The following LIMCH1 variants were observed in gnomAD, a reference collection of about 807,000 sequenced individuals.
The protein encoded by LIMCH1 is LIM and calponin homology domains 1.
Under a neutral mutation model 176.5 loss-of-function variants are expected in LIMCH1, and 113 were observed. That is an observed-to-expected ratio of 0.64 (90% confidence interval 0.55 to 0.75). The LOEUF is 0.75. LIMCH1 is among the 30% of genes least tolerant of loss of function. The pLI is 0.00. For missense variants in LIMCH1, 1,674 were observed against 1,814.9 expected, an observed-to-expected ratio of 0.92 and a Z score of 1.41; for synonymous variants, 619 against 645.9, an observed-to-expected ratio of 0.96 and a Z score of 0.63.
chr4:41,419,214 G>A (rs950047909), intron 1 of LIMCH1, among the ~76,000 whole-genome samples: 1 of 151,382 alleles, frequency 6.6e-6, no homozygotes, highest in Non-Finnish European at 1.5e-5. Context: ...GTCTAGCTCT[G>A]TTGCCCAGGC....
chr4:41,570,579 A>G (rs1015950597), intron 1 of LIMCH1, among the ~76,000 whole-genome samples: 4 of 152,206 alleles, frequency 2.6e-5, no homozygotes, highest in Admixed American at 6.5e-5. Flanking sequence ...GGACCTGTGC[A>G]CTTGAGGAAA....
At chr4:41,455,128 A>G (rs1025517296) in intron 1 of LIMCH1, among the ~76,000 whole-genome samples, 1 of 152,216 alleles carries the variant, frequency 6.6e-6, no homozygotes, top group African/African-American at 2.4e-5. Context: ...ATTCTCTAGA[A>G]TGCAACTTTT....
At chr4:41,454,449 G>GA (rs1277339748) in intron 1 of LIMCH1, among the ~76,000 whole-genome samples, 12 of 150,874 alleles carry the variant, frequency 8.0e-5, no homozygotes, top group African/African-American at 2.9e-4. Context: ...GATGATGAGG[G>GA]GGAGAGAGAG....
intron 2 of LIMCH1, among the ~76,000 whole-genome samples, chr4:41,497,238 C>G (rs1032738817): frequency 1.3e-5 from 2 of 151,884 alleles, no homozygotes; most frequent in East Asian, 1.9e-4. Flanking sequence ...TGAATCCACT[C>G]TAAATGTTAG....
intron 1 of LIMCH1, among the ~76,000 whole-genome samples, chr4:41,395,033 G>A (rs886411337): frequency 6.6e-6 from 1 of 152,126 alleles, no homozygotes; most frequent in East Asian, 1.9e-4. Context: ...TAGTATTGGG[G>A]TGCCCAGTTT....
At chr4:41,456,927 T>G (rs1004406155) in intron 1 of LIMCH1, among the ~76,000 whole-genome samples, 1 of 152,064 alleles carries the variant, frequency 6.6e-6, no homozygotes, top group Non-Finnish European at 1.5e-5. Context: ...CCTCACAGTA[T>G]GGGGGCTGAG....
chr4:41,419,483 A>G (rs990623324), intron 1 of LIMCH1, among the ~76,000 whole-genome samples: 1 of 152,042 alleles, frequency 6.6e-6, no homozygotes, highest in African/African-American at 2.4e-5. Context: ...CAAGTCATTA[A>G]GTTTTTTTTA....
chr4:41,589,073 A>G (rs775881103), intron 1 of LIMCH1, among the ~76,000 whole-genome samples: 1 of 152,054 alleles, frequency 6.6e-6, no homozygotes, highest in Non-Finnish European at 1.5e-5. Context: ...AGCTACATGC[A>G]GTGGCCTAGA....
chr4:41,546,571 C>A (rs192555717), intron 1 of LIMCH1, among the ~76,000 whole-genome samples: 9 of 151,804 alleles, frequency 5.9e-5, no homozygotes, highest in Admixed American at 3.3e-4. Flanking sequence ...TTTTTTAGCC[C>A]CATCATTCAG....
At chr4:41,400,329 T>C (rs2058292293) in intron 1 of LIMCH1, among the ~76,000 whole-genome samples, 1 of 152,182 alleles carries the variant, frequency 6.6e-6, no homozygotes, top group African/African-American at 2.4e-5. Flanking sequence ...TTTTTTACCT[T>C]TGTATTCAAC....
At chr4:41,477,198 C>G (rs2067878271) in intron 1 of LIMCH1, among the ~76,000 whole-genome samples, 1 of 152,194 alleles carries the variant, frequency 6.6e-6, no homozygotes, top group Non-Finnish European at 1.5e-5. Context: ...GTTTCTTCAT[C>G]TGGAGACCAG....
chr4:41,622,610 G>T (rs1011444483), intron 7 of LIMCH1, among the ~76,000 whole-genome samples: 1 of 152,132 alleles, frequency 6.6e-6, no homozygotes, highest in Admixed American at 6.5e-5. Context: ...GTCCATACAC[G>T]TACTGTGCCA....
intron 7 of LIMCH1, among the ~76,000 whole-genome samples, chr4:41,623,309 G>C (rs1298666978): frequency 4.6e-5 from 7 of 152,162 alleles, no homozygotes; most frequent in Non-Finnish European, 1.0e-4. Context: ...CACCCAACAA[G>C]AGGACCACTT....
At chr4:41,577,595 A>G (rs1032318022) in intron 1 of LIMCH1, among the ~76,000 whole-genome samples, 19 of 151,972 alleles carry the variant, frequency 1.3e-4, no homozygotes, top group African/African-American at 4.6e-4. Context: ...ACACCCGGCT[A>G]GTTTTAAAAT....
intron 1 of LIMCH1, among the ~76,000 whole-genome samples, chr4:41,366,528 G>C (rs896870563): frequency 2.0e-5 from 3 of 152,068 alleles, no homozygotes; most frequent in Non-Finnish European, 2.9e-5. Flanking sequence ...TTGGAGGAAG[G>C]GTAGGGTAGA....
chr4:41,361,531 C>A (rs1355025579), intron 1 of LIMCH1, among the ~76,000 whole-genome samples: 1 of 152,218 alleles, frequency 6.6e-6, no homozygotes, highest in African/African-American at 2.4e-5. Flanking sequence ...CCTGCGAGCA[C>A]GCATCCGCAT....
At chr4:41,593,257 G>A (rs1429414083) in intron 1 of LIMCH1, among the ~76,000 whole-genome samples, 1 of 152,150 alleles carries the variant, frequency 6.6e-6, no homozygotes, top group Admixed American at 6.5e-5. Flanking sequence ...AACAAGGAGG[G>A]TTTAATGTAT....
intron 1 of LIMCH1, among the ~76,000 whole-genome samples, chr4:41,373,555 T>G (rs2054287578): frequency 6.6e-6 from 1 of 152,240 alleles, no homozygotes; most frequent in Non-Finnish European, 1.5e-5. Context: ...TATGAGAGCT[T>G]ATGGCCTGGC....
intron 2 of LIMCH1, among the ~76,000 whole-genome samples, chr4:41,498,731 A>G (rs1039397935): frequency 6.6e-6 from 1 of 152,188 alleles, no homozygotes; most frequent in Non-Finnish European, 1.5e-5. Flanking sequence ...TTAGCAGATG[A>G]TATTCTCTAC....
Sources: allele counts gnomAD v4.1 joint callset (sites outside exome capture counted in the v4.1 genomes callset), GRCh38; gene constraint gnomAD v4.1.1; transcripts MANE v1.5; gene names NCBI Gene and HGNC (gene_info 2026-07-23, HGNC 2026-07-21).